EIPR1: variants seen among roughly 807,000 people sequenced by gnomAD.
EIPR1 encodes the protein EARP complex and GARP complex interacting protein 1.
In EIPR1, 25 loss-of-function variants were observed where a neutral mutation model predicts 48.1. The ratio of observed to expected loss-of-function variants is 0.52; its 90% CI spans 0.38 to 0.73. The LOEUF is 0.73. EIPR1 is among the 30% of genes least tolerant of loss of function. EIPR1 has a pLI of 0.00. For synonymous variants in EIPR1, 204 were observed against 201.9 expected, an observed-to-expected ratio of 1.01 and a Z score of -0.09; for missense variants, 415 against 506.2, an observed-to-expected ratio of 0.82 and a Z score of 1.73.
intron 3 of EIPR1, among the ~76,000 whole-genome samples, chr2:3,283,924 T>G (rs1357518464): frequency 8.1e-6 from 1 of 122,930 alleles, no homozygotes; most frequent in African/African-American, 3.2e-5. Context: ...CCAGCCTGGG[T>G]GACAAAGCGA....
intron 2 of EIPR1, among the ~76,000 whole-genome samples, chr2:3,341,033 G>A (rs769132095): frequency 1.9e-4 from 28 of 146,514 alleles, no homozygotes; most frequent in Non-Finnish European, 3.9e-4. Flanking sequence ...GGAGGGGGAG[G>A]TGCAGTGAGC....
chr2:3,251,408 C>A (rs1412500048), intron 4 of EIPR1, among the ~76,000 whole-genome samples: 1 of 152,138 alleles, frequency 6.6e-6, no homozygotes, highest in East Asian at 1.9e-4. Flanking sequence ...ATCTAATAAA[C>A]AAATAAATAA....
intron 3 of EIPR1, among the ~76,000 whole-genome samples, chr2:3,322,636 G>A (rs1669569434): frequency 6.6e-6 from 1 of 152,196 alleles, no homozygotes; most frequent in South Asian, 2.1e-4. Flanking sequence ...GCAGCCTTGG[G>A]ATGAATTCCA....
At chr2:3,301,976 T>G (rs1377770348) in intron 3 of EIPR1, among the ~76,000 whole-genome samples, 1 of 152,170 alleles carries the variant, frequency 6.6e-6, no homozygotes, top group South Asian at 2.1e-4. Flanking sequence ...AGGACCACCA[T>G]GAGGGCTCTG....
intron 6 of EIPR1, among the ~76,000 whole-genome samples, chr2:3,194,765 CAG>C (rs1400052756): frequency 4.0e-5 from 6 of 150,090 alleles, no homozygotes; most frequent in East Asian, 1.9e-4. Context: ...TAGATATATA[CAG>C]AGAGAGAGAG....
In EIPR1 at chr2:3,192,959, T is replaced by C. The variant is rs376307403; in HGVS notation, c.822-378A>G. Among the ~76,000 whole-genome samples, 84 of 152,218 alleles carry C rather than the reference T, an allele frequency of 5.5e-4. 1 individual carries two copies. The South Asian group carries it at 0.017, about 31-fold the overall frequency. On this transcript the variant is annotated intron_variant, in intron 7 of 8. Coordinates refer to ENST00000382125, the MANE Select transcript of EIPR1 (RefSeq NM_003310.5). ...ACAAGTCTCACGGCATCTTCCCAGT[T>C]GGCAGTGACTGTGGGTCCTGAGACC...
chr2:3,217,567 T>A (rs888136537), intron 4 of EIPR1, among the ~76,000 whole-genome samples: 29 of 152,132 alleles, frequency 1.9e-4, no homozygotes, highest in Non-Finnish European at 3.4e-4. Flanking sequence ...CCAAATTTTT[T>A]AAAAAAATTG....
chr2:3,317,096 G>A (rs548540974), intron 3 of EIPR1, among the ~76,000 whole-genome samples: 2 of 151,924 alleles, frequency 1.3e-5, no homozygotes, highest in Admixed American at 6.6e-5. Flanking sequence ...TGACCGAGCT[G>A]AGGGCCTACT....
At chr2:3,237,384 G>C (rs1438452070) in intron 4 of EIPR1, among the ~76,000 whole-genome samples, 1 of 152,174 alleles carries the variant, frequency 6.6e-6, no homozygotes, top group African/African-American at 2.4e-5. Flanking sequence ...GAGACAAGGA[G>C]AGAGAGAGAC....
chr2:3,324,979 G>A (rs1201772764), intron 3 of EIPR1, among the ~76,000 whole-genome samples: 1 of 152,222 alleles, frequency 6.6e-6, no homozygotes, highest in African/African-American at 2.4e-5. Context: ...CCTCAGCAAG[G>A]CCAAAGAACG....
chr2:3,202,683 A>G (rs922662249), intron 5 of EIPR1, among the ~76,000 whole-genome samples: 1 of 152,190 alleles, frequency 6.6e-6, no homozygotes, highest in Admixed American at 6.5e-5. Flanking sequence ...CTGAGCCCCC[A>G]ACAGAGCTAT....
chr2:3,273,060 T>C (rs1667745676), intron 3 of EIPR1, among the ~76,000 whole-genome samples: 1 of 152,238 alleles, frequency 6.6e-6, no homozygotes, highest in South Asian at 2.1e-4. Flanking sequence ...GGTTTGATAT[T>C]GTTATGTGAA....
chr2:3,286,088 G>A lies in EIPR1; in HGVS notation c.260-28633C>T, dbSNP rs1179121279. On this transcript the variant is annotated intron_variant, in intron 3 of 8. Coordinates refer to ENST00000382125, the MANE Select transcript of EIPR1 (RefSeq NM_003310.5). This position sits in a 1 kb window ranked among gnomAD's most constrained non-coding sequence, Gnocchi z 4.2. ...CCAATGCCAGCTGCAGCCACTGGGAGTGAACAAACCTTCCCAGGACTCCAG... is the reference window on the plus strand; with the variant it reads ...CCAATGCCAGCTGCAGCCACTGGGAATGAACAAACCTTCCCAGGACTCCAG... Among the ~76,000 whole-genome samples, 3 of 152,198 alleles carry A rather than the reference G, an allele frequency of 2.0e-5. No homozygotes were observed. Among genetic ancestry groups the A allele is most frequent in the East Asian group, 1.9e-4 (1 of 5,186 alleles).
At chr2:3,320,197 G>A (rs937199294) in intron 3 of EIPR1, 14 of 172,158 alleles carry the variant, frequency 8.1e-5, no homozygotes, top group African/African-American at 3.5e-4. Flanking sequence ...CCTGCAGGCA[G>A]GGCAACACCA....
At chr2:3,256,661 C>T (rs949116009) in intron 4 of EIPR1, among the ~76,000 whole-genome samples, 2 of 152,168 alleles carry the variant, frequency 1.3e-5, no homozygotes, top group Non-Finnish European at 2.9e-5. Context: ...AACAGTATGC[C>T]CCCGCAATCT....
chr2:3,366,203 G>A (rs927344502), intron 1 of EIPR1, among the ~76,000 whole-genome samples: 3 of 152,234 alleles, frequency 2.0e-5, no homozygotes, highest in African/African-American at 7.2e-5. Flanking sequence ...AGCTACCTGG[G>A]AGGCTGAAGC....
At chr2:3,271,387 G>T (rs1303866351) in intron 3 of EIPR1, among the ~76,000 whole-genome samples, 3 of 152,136 alleles carry the variant, frequency 2.0e-5, no homozygotes, top group African/African-American at 7.2e-5. Context: ...CCCATCAGAG[G>T]AATCACTATC....
intron 4 of EIPR1, among the ~76,000 whole-genome samples, chr2:3,248,185 C>T (rs993849544): frequency 2.0e-5 from 3 of 152,158 alleles, no homozygotes; most frequent in Admixed American, 6.5e-5. Context: ...TGGTGTCTCA[C>T]GCCTGTAATC....
At chr2:3,361,755 G>A (rs1670856821) in intron 1 of EIPR1, among the ~76,000 whole-genome samples, 1 of 149,430 alleles carries the variant, frequency 6.7e-6, no homozygotes, top group Non-Finnish European at 1.5e-5. Context: ...CCAAGCCCTT[G>A]GACTCCCTCA....
Sources: allele counts gnomAD v4.1 joint callset (sites outside exome capture counted in the v4.1 genomes callset), GRCh38; gene constraint gnomAD v4.1.1; non-coding constraint Gnocchi (gnomAD v3.1); transcripts MANE v1.5; gene names NCBI Gene and HGNC (gene_info 2026-07-23, HGNC 2026-07-21).